Variants in ZNF254 observed in about 807,000 individuals in gnomAD.
ZNF254 encodes the protein zinc finger protein 254.
ZNF254 carries 10 observed loss-of-function variants against 12.4 expected under a neutral mutation model. The ratio of observed to expected loss-of-function variants is 0.80; its 90% CI spans 0.50 to 1.36. ZNF254 has a LOEUF of 1.36. ZNF254 is among the 40% of genes most tolerant of loss of function. The pLI is 0.00. For missense variants in ZNF254, 996 were observed against 763.9 expected, an observed-to-expected ratio of 1.30 and a Z score of -3.58; for synonymous variants, 305 against 253.4, an observed-to-expected ratio of 1.20 and a Z score of -1.93.
chr19:24,110,615 T>C (rs2145847110), intron 3 of ZNF254, among the ~76,000 whole-genome samples: 2 of 152,292 alleles, frequency 1.3e-5, no homozygotes, highest in South Asian at 4.1e-4. Flanking sequence ...TTCACATCGT[T>C]ATGCAAAAGA....
intron 2 of ZNF254, among the ~76,000 whole-genome samples, chr19:24,047,623 CTCTT>C (rs1391724494): frequency 8.3e-6 from 1 of 120,308 alleles, no homozygotes; most frequent in Non-Finnish European, 1.7e-5. Flanking sequence ...TTTGCTCTCT[CTCTT>C]GCTTGCTTGC....
chr19:24,039,191 C>T (rs1461753443), intron 1 of ZNF254, among the ~76,000 whole-genome samples: 2 of 152,310 alleles, frequency 1.3e-5, no homozygotes, highest in South Asian at 2.1e-4. Flanking sequence ...CTGAAATCCA[C>T]CTGGGATTAA....
chr19:24,043,044 T>G (rs1461580115), intron 1 of ZNF254, among the ~76,000 whole-genome samples: 3 of 152,222 alleles, frequency 2.0e-5, no homozygotes, highest in Non-Finnish European at 4.4e-5. Context: ...TAGCTTGCTT[T>G]GGAGAACAAA....
intron 2 of ZNF254, among the ~76,000 whole-genome samples, chr19:24,056,373 C>G (rs537721442): frequency 6.6e-6 from 1 of 152,236 alleles, no homozygotes; most frequent in Non-Finnish European, 1.5e-5. Context: ...TGCCTGGTCC[C>G]TGCTCACAGA....
upstream of ZNF254, among the ~76,000 whole-genome samples, chr19:24,086,520 C>T (rs940589877): frequency 6.6e-6 from 1 of 151,386 alleles, no homozygotes; most frequent in Non-Finnish European, 1.5e-5. Flanking sequence ...TCTTGTTGTC[C>T]AGGCTGGAGT....
intron 2 of ZNF254, among the ~76,000 whole-genome samples, chr19:24,052,041 T>A (rs1970668522): frequency 6.6e-6 from 1 of 152,128 alleles, no homozygotes; most frequent in Non-Finnish European, 1.5e-5. Context: ...ATTATATAGG[T>A]GATGTGACTC....
intron 1 of ZNF254, among the ~76,000 whole-genome samples, chr19:24,090,897 T>C (rs73021424): frequency 0.15 from 22,107 of 150,382 alleles, 1,693 homozygotes; most frequent in Middle Eastern, 0.17. Context: ...TTTCTCAGAG[T>C]GAGTTTAGGA....
intron 1 of ZNF254, among the ~76,000 whole-genome samples, chr19:24,096,571 TTTC>T (rs1972686089): frequency 6.6e-6 from 1 of 152,220 alleles, no homozygotes; most frequent in Non-Finnish European, 1.5e-5. Context: ...GATTATTCTA[TTTC>T]TGATTGTGTG....
intron 2 of ZNF254, among the ~76,000 whole-genome samples, chr19:24,054,255 C>T (rs952191828): frequency 2.6e-5 from 4 of 152,206 alleles, no homozygotes; most frequent in East Asian, 3.9e-4. Context: ...TTCCTTCCCT[C>T]GGGGAAGATT....
intron 2 of ZNF254, chr19:24,080,158 G>A (rs141104279): frequency 1.3e-4 from 20 of 152,264 alleles, no homozygotes; most frequent in African/African-American, 3.9e-4. Context: ...GGGACAAAGC[G>A]GAGGTAGCGG....
chr19:24,121,532 T>G (rs1974482439), intron 3 of ZNF254, among the ~76,000 whole-genome samples: 1 of 112,578 alleles, frequency 8.9e-6, no homozygotes, highest in Non-Finnish European at 1.7e-5. Context: ...TTATATCTGT[T>G]TGTTTGCCTG....
Position 24,048,737 on chromosome 19 carries a change from A to T in ZNF254, c.-94+2458A>T, listed in dbSNP as rs151291289. On this transcript the variant is annotated intron_variant, in intron 2 of 4. Transcript: ENST00000613065. The stretch of plus-strand genomic sequence containing the variant: ...CTCTCTCTCATGCTCCTTCCTGTAC[A>T]CTGCAGTTGCTGTTGTTTTAGATTT... Among the ~76,000 whole-genome samples, 14 of 150,994 alleles carry T rather than the reference A, an allele frequency of 9.3e-5. No homozygotes were observed. In the East Asian group the frequency reaches 1.8e-3, roughly 19 times the overall value.
chr19:24,038,924 T>C (rs1017027239), intron 1 of ZNF254, among the ~76,000 whole-genome samples: 1 of 152,238 alleles, frequency 6.6e-6, no homozygotes, highest in Admixed American at 6.5e-5. Flanking sequence ...CACATTTGCA[T>C]TGAGTAAGCC....
chr19:24,087,905 CG>C (rs1290544326), intron 1 of ZNF254, among the ~76,000 whole-genome samples: 25 of 130,852 alleles, frequency 1.9e-4, no homozygotes, highest in African/African-American at 5.1e-4. Context: ...TCTAGGTTGT[CG>C]TTTTTTTTTT....
chr19:24,116,340 A>G (rs1482522981), intron 3 of ZNF254, among the ~76,000 whole-genome samples: 2 of 152,024 alleles, frequency 1.3e-5, no homozygotes, highest in African/African-American at 4.8e-5. Flanking sequence ...CACCAATCAG[A>G]TGTGGATTTG....
upstream of ZNF254, among the ~76,000 whole-genome samples, chr19:24,085,408 G>GTATGTATATATATATATATATATATATA (rs1971989530): frequency 3.1e-5 from 1 of 32,710 alleles, no homozygotes; most frequent in Non-Finnish European, 5.4e-5. Context: ...TTTGTTAAGG[G>GTATGTATATATATATATATATATATATA]TATATATATA....
chr19:24,040,149 T>A (rs1358555839), intron 1 of ZNF254, among the ~76,000 whole-genome samples: 3 of 152,100 alleles, frequency 2.0e-5, no homozygotes, highest in African/African-American at 7.2e-5. Flanking sequence ...ATGAGCCTTG[T>A]CCAGGTCTGG....
chr19:24,053,271 A>G (rs1970715057), intron 2 of ZNF254, among the ~76,000 whole-genome samples: 1 of 152,234 alleles, frequency 6.6e-6, no homozygotes, highest in Admixed American at 6.5e-5. Context: ...AATCCAGACC[A>G]TCATTGAGAC....
chr19:24,094,658 C>T (rs1972571235), intron 1 of ZNF254, among the ~76,000 whole-genome samples: 1 of 151,786 alleles, frequency 6.6e-6, no homozygotes, highest in African/African-American at 2.4e-5. Context: ...TGCCTTGTGC[C>T]AGTTTCCAAA....
Sources: gnomAD v4.1 joint callset for allele counts (sites outside exome capture counted in the v4.1 genomes callset) on GRCh38, gnomAD v4.1.1 for gene constraint, MANE v1.5 for transcripts, NCBI Gene and HGNC (gene_info 2026-07-23, HGNC 2026-07-21) for gene names.